Variants in FRMD3 observed in about 807,000 individuals in gnomAD.
FRMD3 encodes FERM domain containing 3, also known as FERM domain-containing protein 3.
A neutral mutation model predicts 70.2 loss-of-function variants in FRMD3; 33 were observed. That is an observed-to-expected ratio of 0.47 (90% confidence interval 0.36 to 0.63). The LOEUF (loss-of-function observed/expected upper bound fraction) is 0.63. FRMD3 is among the 20% of genes least tolerant of loss of function. The probability of loss-of-function intolerance (pLI) is 0.00; values close to 1 mark genes in which losing one functional copy is unlikely to be tolerated. For missense variants in FRMD3, 632 were observed against 711.4 expected, an observed-to-expected ratio of 0.89 and a Z score of 1.27; for synonymous variants, 279 against 255.9, an observed-to-expected ratio of 1.09 and a Z score of -0.86.
chr9:83,306,899 A>G (rs1037307366), intron 10 of FRMD3, among the ~76,000 whole-genome samples: 7 of 152,168 alleles, frequency 4.6e-5, no homozygotes, highest in African/African-American at 1.7e-4. Flanking sequence ...AATAGATAGA[A>G]ATGATGGTTG....
intron 1 of FRMD3, among the ~76,000 whole-genome samples, chr9:83,432,807 A>G (rs1827020971): frequency 6.6e-6 from 1 of 152,228 alleles, no homozygotes; most frequent in African/African-American, 2.4e-5. Context: ...GGTTATGTGG[A>G]CAAATTATAT....
chr9:83,363,711 C>T (rs938074341), intron 3 of FRMD3, among the ~76,000 whole-genome samples: 1 of 152,046 alleles, frequency 6.6e-6, no homozygotes, highest in East Asian at 1.9e-4. Context: ...CCCGCCACCT[C>T]GCCCGGCTAA....
chr9:83,445,671 G>C (rs562805065), intron 1 of FRMD3, among the ~76,000 whole-genome samples: 9 of 152,306 alleles, frequency 5.9e-5, no homozygotes, highest in Admixed American at 2.6e-4. Context: ...GTGGATTTAG[G>C]AAAATAGACA....
chr9:83,357,266 TATATATATATATATA>T lies in FRMD3; in HGVS notation c.296-7524_296-7510del, dbSNP rs1564032790. On this transcript the variant is annotated intron_variant, in intron 3 of 13. Transcript: ENST00000304195. Reference sequence around the variant, plus strand: ...ACATACATATATATATATATATATATATATATATATATATATATATATATATATATAAAACATTTT... The same window carrying T: ...ACATACATATATATATATATATATATTATATATATATATATAAAACATTTT... 9.8e-4 allele frequency among the ~76,000 whole-genome samples: 64 copies of T among 65,372 alleles called. 4 individuals are homozygous for T. The highest frequency in any genetic ancestry group is 5.5e-3 in the African/African-American group (61 of 11,050). The allele number at this position is 65,372 out of a possible 152,430, so 42.9% of individuals were successfully genotyped here.
intron 1 of FRMD3, among the ~76,000 whole-genome samples, chr9:83,511,056 G>A (rs1366365724): frequency 2.0e-5 from 3 of 152,178 alleles, no homozygotes; most frequent in Non-Finnish European, 2.9e-5. Flanking sequence ...AGATGTGGGA[G>A]GATCCCACTC....
intron 6 of FRMD3, among the ~76,000 whole-genome samples, chr9:83,316,531 G>T (rs1000412554): frequency 6.6e-6 from 1 of 152,190 alleles, no homozygotes; most frequent in Non-Finnish European, 1.5e-5. Flanking sequence ...AGTCAAATTT[G>T]TGCTTTAGAA....
chr9:83,384,096 T>C (rs556606772), intron 2 of FRMD3, among the ~76,000 whole-genome samples: 1 of 152,298 alleles, frequency 6.6e-6, no homozygotes, highest in South Asian at 2.1e-4. Flanking sequence ...CAAAGTCCTT[T>C]CCCACAAAGC....
chr9:83,576,873 T>G, the FRMD3 span, among the ~76,000 whole-genome samples: 1 of 152,134 alleles, frequency 6.6e-6, no homozygotes, highest in Non-Finnish European at 1.5e-5. Flanking sequence ...AAAAATCTAT[T>G]AGAACTAATC....
At chr9:83,415,614 C>CTTTTTTT (rs1168650565) in intron 1 of FRMD3, among the ~76,000 whole-genome samples, 2 of 108,962 alleles carry the variant, frequency 1.8e-5, no homozygotes, top group Non-Finnish European at 1.9e-5. Flanking sequence ...GACTAATTTT[C>CTTTTTTT]TTTTTTTTTT....
chr9:83,461,558 G>T (rs958819364), intron 1 of FRMD3, among the ~76,000 whole-genome samples: 1 of 151,964 alleles, frequency 6.6e-6, no homozygotes, highest in Non-Finnish European at 1.5e-5. Flanking sequence ...CTGGGTTTGT[G>T]GGGTGGGAGG....
At chr9:83,473,682 T>C (rs1201794753) in intron 1 of FRMD3, among the ~76,000 whole-genome samples, 1 of 152,204 alleles carries the variant, frequency 6.6e-6, no homozygotes, top group Non-Finnish European at 1.5e-5. Flanking sequence ...AGAGGGCGAA[T>C]GCACGGGCTA....
chr9:83,272,657 G>A (rs1347995163), intron 13 of FRMD3, among the ~76,000 whole-genome samples: 1 of 147,764 alleles, frequency 6.8e-6, no homozygotes. Context: ...TGGTAAGTGA[G>A]GAGCGCCTCT....
chr9:83,364,472 C>T (rs549921935), intron 3 of FRMD3, among the ~76,000 whole-genome samples: 65 of 151,766 alleles, frequency 4.3e-4, no homozygotes, highest in Middle Eastern at 6.9e-3. Context: ...AGGAGAATTG[C>T]TTGAACCCTG....
At chr9:83,355,474 A>G (rs924016332) in intron 3 of FRMD3, among the ~76,000 whole-genome samples, 1 of 152,146 alleles carries the variant, frequency 6.6e-6, no homozygotes, top group African/African-American at 2.4e-5. Context: ...AGGGTGGTGA[A>G]AACCCCAAAT....
At chr9:83,406,145 G>C (rs981000446) in intron 1 of FRMD3, among the ~76,000 whole-genome samples, 8 of 152,226 alleles carry the variant, frequency 5.3e-5, no homozygotes, top group Non-Finnish European at 1.0e-4. Context: ...GGAGTCTTCG[G>C]ATCTCACAGA....
chr9:83,568,841 T>C, the FRMD3 span, among the ~76,000 whole-genome samples: 3 of 152,146 alleles, frequency 2.0e-5, no homozygotes, highest in Admixed American at 1.3e-4. Context: ...TTAGCTTAAA[T>C]AGATCATGCC....
chr9:83,389,247 C>T (rs932109382), intron 2 of FRMD3, among the ~76,000 whole-genome samples: 1 of 152,108 alleles, frequency 6.6e-6, no homozygotes, highest in Admixed American at 6.5e-5. Context: ...AGAGCCCAGC[C>T]TCAATAGCTT....
At chr9:83,434,977 A>C (rs1827092740) in intron 1 of FRMD3, among the ~76,000 whole-genome samples, 1 of 151,478 alleles carries the variant, frequency 6.6e-6, no homozygotes, top group African/African-American at 2.4e-5. Flanking sequence ...AGCACACACC[A>C]CCACGGCAGG....
intron 3 of FRMD3, among the ~76,000 whole-genome samples, chr9:83,352,489 G>C (rs750198134): frequency 1.3e-4 from 20 of 152,146 alleles, no homozygotes; most frequent in Admixed American, 2.6e-4. Context: ...CTGCTCCCCA[G>C]TGCTCTCCTT....
Sources: gnomAD v4.1 joint callset for allele counts (sites outside exome capture counted in the v4.1 genomes callset) on GRCh38, gnomAD v4.1.1 for gene constraint, MANE v1.5 for transcripts, NCBI Gene and HGNC (gene_info 2026-07-23, HGNC 2026-07-21) for gene names.